Variants in LCA5L observed in about 807,000 individuals in gnomAD.
The protein encoded by LCA5L is lebercilin LCA5 like.
LCA5L carries 35 observed loss-of-function variants against 45.4 expected under a neutral mutation model. The observed-to-expected ratio is 0.77, with a 90% CI of 0.59 to 1.02. LCA5L has a LOEUF of 1.02. Ranked by LOEUF, LCA5L falls within the 50% of genes least tolerant of loss-of-function variation. The probability of loss-of-function intolerance (pLI) is 0.00; values close to 1 mark genes in which losing one functional copy is unlikely to be tolerated. For synonymous variants in LCA5L, 233 were observed against 264.7 expected, an observed-to-expected ratio of 0.88 and a Z score of 1.16; for missense variants, 668 against 761.6, an observed-to-expected ratio of 0.88 and a Z score of 1.45.
chr21:39,411,741 T>G lies in LCA5L; in HGVS notation c.1037A>C (p.His346Pro). Residue 346 changes from histidine to proline, a missense_variant, in exon 8 of 11, where the codon CAT (histidine) becomes CCT (proline). Physicochemically the swap from His to Pro is moderately conservative, Grantham distance 77. Transcript: ENST00000288350. ...ACCTTTTGGATAGTCCTCTGTGTCA[T>G]GTAAATTTTTAAGTATTCGATGACT... ...IYSHRILKNL[H>P]DTEDYPKVSS... is the part of the protein sequence containing the mutation. 4 of 1,561,504 alleles carry G rather than the reference T, an allele frequency of 2.6e-6. No homozygotes were observed. The highest frequency in any genetic ancestry group is 3.5e-6 in the Non-Finnish European group (4 of 1,139,304).
At chr21:39,431,979 C>T (rs1019727801) in intron 3 of LCA5L, among the ~76,000 whole-genome samples, 1 of 152,096 alleles carries the variant, frequency 6.6e-6, no homozygotes, top group Non-Finnish European at 1.5e-5. Flanking sequence ...CTGTGTTCAC[C>T]GATTTGTCTT....
intron 1 of LCA5L, among the ~76,000 whole-genome samples, chr21:39,444,463 C>T (rs1023807984): frequency 6.6e-6 from 1 of 152,132 alleles, no homozygotes; most frequent in South Asian, 2.1e-4. Context: ...GAAAATACTG[C>T]ACTTTTACCT....
intron 2 of LCA5L, among the ~76,000 whole-genome samples, chr21:39,436,491 A>AT (rs1438904929): frequency 6.6e-6 from 1 of 152,074 alleles, no homozygotes; most frequent in Non-Finnish European, 1.5e-5. Context: ...AATTACATAC[A>AT]TATTTTTTGA....
intron 1 of LCA5L, among the ~76,000 whole-genome samples, chr21:39,445,165 G>C (rs906765749): frequency 2.0e-5 from 3 of 151,856 alleles, no homozygotes; most frequent in African/African-American, 7.3e-5. Flanking sequence ...ACACGCTGAG[G>C]GGAGGGTGTG....
chr21:39,411,238 A>C (rs748657600), intron 8 of LCA5L: 1 of 217,438 alleles, frequency 4.6e-6, no homozygotes, highest in Non-Finnish European at 9.3e-6. Context: ...ACTGCAGGGG[A>C]CACGAGGAAA....
At chr21:39,424,632 A>G (rs1276978323) in intron 5 of LCA5L, among the ~76,000 whole-genome samples, 1 of 152,232 alleles carries the variant, frequency 6.6e-6, no homozygotes, top group African/African-American at 2.4e-5. Context: ...TGAGAATCCA[A>G]TGTAAAGAAC....
chr21:39,436,986 T>C (rs577598637), intron 2 of LCA5L, among the ~76,000 whole-genome samples: 5 of 152,354 alleles, frequency 3.3e-5, no homozygotes, highest in African/African-American at 1.2e-4. Context: ...ACTAACTGCA[T>C]GCTTCACAAG....
At chr21:39,427,791 G>GAT (rs537142583) in intron 5 of LCA5L, 224 of 156,558 alleles carry the variant, frequency 1.4e-3, no homozygotes, top group South Asian at 2.9e-3. Context: ...GGGGTGCTGA[G>GAT]ATAGGTATTT....
intron 7 of LCA5L, 134 bp downstream of exon 7, chr21:39,420,571 GC>G: frequency 1.9e-6 from 1 of 538,906 alleles, no homozygotes; most frequent in Non-Finnish European, 3.0e-6. Context: ...GGGGGCCCAG[GC>G]CCCCTACAAA....
intron 4 of LCA5L, 95 bp from the exon 5 acceptor site, chr21:39,428,598 A>ATATATATATATATATAT (rs1242243392): frequency 3.1e-5 from 1 of 32,036 alleles, no homozygotes; most frequent in African/African-American, 1.0e-4. Flanking sequence ...ATATATATAT[A>ATATATATATATATATAT]TTTTTTTTTT....
At chr21:39,435,925 A>G (rs2076243084) in intron 2 of LCA5L, among the ~76,000 whole-genome samples, 1 of 152,204 alleles carries the variant, frequency 6.6e-6, no homozygotes, top group Non-Finnish European at 1.5e-5. Context: ...GGTGTGAGCT[A>G]CTGCACCTGG....
At chr21:39,430,650 G>A (rs1195611459) in intron 3 of LCA5L, among the ~76,000 whole-genome samples, 1 of 152,130 alleles carries the variant, frequency 6.6e-6, no homozygotes, top group African/African-American at 2.4e-5. Flanking sequence ...ACTGGAATGA[G>A]ACAGCAGTCA....
At chr21:39,428,079 A>G (rs1297407430) in intron 5 of LCA5L, 93 bp downstream of exon 5, 1 of 723,900 alleles carries the variant, frequency 1.4e-6, no homozygotes, top group African/African-American at 1.8e-5. Flanking sequence ...GGAAAACAAT[A>G]AAACTGAGTA....
At chr21:39,442,448 C>A (rs1281216454) in intron 2 of LCA5L, among the ~76,000 whole-genome samples, 1 of 152,144 alleles carries the variant, frequency 6.6e-6, no homozygotes, top group Non-Finnish European at 1.5e-5. Flanking sequence ...TCAGCTCTGC[C>A]TTCTGAAGGT....
intron 7 of LCA5L, among the ~76,000 whole-genome samples, chr21:39,414,717 T>C (rs1039482187): frequency 2.8e-5 from 3 of 105,460 alleles, no homozygotes; most frequent in African/African-American, 7.5e-5. Context: ...TCTCTCCCTC[T>C]CTCTCTCTCT....
chr21:39,439,275 C>T (rs531511423), intron 2 of LCA5L, among the ~76,000 whole-genome samples: 1 of 152,260 alleles, frequency 6.6e-6, no homozygotes, highest in South Asian at 2.1e-4. Context: ...AGGGAATGAT[C>T]CTCCCTTGGA....
intron 7 of LCA5L, chr21:39,414,317 A>G (rs939530304): frequency 2.0e-5 from 3 of 152,136 alleles, no homozygotes; most frequent in African/African-American, 7.2e-5. Flanking sequence ...TGGGTGTAAG[A>G]CGGGTGGCAG....
In LCA5L at chr21:39,432,306, T is replaced by C. The variant is rs541481902; in HGVS notation, c.-91-3095A>G. 1.4e-4 allele frequency among the ~76,000 whole-genome samples: 21 copies of C among 152,298 alleles called. No individual in the cohort carries two copies. The South Asian group carries it at 3.5e-3, about 26-fold the overall frequency. On this transcript the variant is annotated intron_variant, in intron 3 of 10. Coordinates refer to ENST00000288350, the MANE Select transcript of LCA5L (RefSeq NM_152505.4). ...ACAATTGTTTTTAATATTAATGGCA[T>C]AGTCTTTGACAAAAAGAGGTCATAA...
chr21:39,406,713 C>T (rs2039123945), intron 10 of LCA5L, 101 bp from the exon 11 acceptor site: 4 of 866,472 alleles, frequency 4.6e-6, no homozygotes, highest in African/African-American at 1.7e-5. Context: ...CTCACAAGCA[C>T]ACTGAAATGA....
Sources: gnomAD v4.1 joint callset for allele counts (sites outside exome capture counted in the v4.1 genomes callset) on GRCh38, gnomAD v4.1.1 for gene constraint, MANE v1.5 for transcripts, NCBI Gene and HGNC (gene_info 2026-07-23, HGNC 2026-07-21) for gene names.